Variants in ZNF678 observed in about 807,000 individuals in gnomAD.
The protein encoded by ZNF678 is hypothetical protein MGC42493.
A neutral mutation model predicts 3.0 loss-of-function variants in ZNF678; 5 were observed. The ratio of observed to expected loss-of-function variants is 1.69; its 90% CI spans 0.88 to 3.56. The LOEUF (loss-of-function observed/expected upper bound fraction) is 3.56. Among genes scored for constraint, ZNF678 ranks in the 30% most tolerant of loss-of-function variants. ZNF678 has a pLI of 0.00. For missense variants in ZNF678, 593 were observed against 605.0 expected (o/e 0.98, Z 0.21); for synonymous variants, 218 against 199.6 (o/e 1.09, Z -0.78).
intron 1 of ZNF678, among the ~76,000 whole-genome samples, chr1:227,617,082 T>C (rs1658160832): frequency 6.6e-6 from 1 of 152,294 alleles, no homozygotes; most frequent in East Asian, 1.9e-4. Flanking sequence ...ACCTTTAGGA[T>C]TGTGAAGCTA....
rs537759058 is a variant in ZNF678, at chr1:227,587,077, G to A, written c.-164+23353G>A. 1.2e-4 allele frequency among the ~76,000 whole-genome samples: 18 copies of A among 152,316 alleles called. No homozygotes were observed. In the South Asian group the frequency reaches 3.7e-3, roughly 32 times the overall value. On this transcript the variant is annotated intron_variant, in intron 1 of 3. Transcript: ENST00000343776. Reference sequence around the variant, plus strand: ...AAGCTAGGCCTCAATATTGCAGGGTGAGGATGAAAGAGTTCTGCTCCTAGT... The same window carrying A: ...AAGCTAGGCCTCAATATTGCAGGGTAAGGATGAAAGAGTTCTGCTCCTAGT...
chr1:227,666,551 G>T (rs1277845401), downstream of ZNF678, among the ~76,000 whole-genome samples: 1 of 152,094 alleles, frequency 6.6e-6, no homozygotes, highest in Non-Finnish European at 1.5e-5. Context: ...TTGACTTGTG[G>T]CTTAGGGGAA....
At chr1:227,651,194 T>C in intron 3 of ZNF678, 118 bp downstream of exon 3, 1 of 1,134,370 alleles carries the variant, frequency 8.8e-7, no homozygotes, top group Admixed American at 2.4e-5. Flanking sequence ...GGGTCTGTCT[T>C]TGGTGGGCTT....
At chr1:227,625,985 G>A (rs1414954824) in intron 1 of ZNF678, among the ~76,000 whole-genome samples, 1 of 152,054 alleles carries the variant, frequency 6.6e-6, no homozygotes, top group African/African-American at 2.4e-5. Context: ...GTGAAAGTGG[G>A]GTTTCCTTTA....
At chr1:227,564,295 T>C (rs1214416691) in intron 1 of ZNF678, among the ~76,000 whole-genome samples, 2 of 152,254 alleles carry the variant, frequency 1.3e-5, no homozygotes, top group African/African-American at 4.8e-5. Flanking sequence ...ATTTAATTAC[T>C]GATTAATTGG....
intron 1 of ZNF678, among the ~76,000 whole-genome samples, chr1:227,624,493 A>G (rs1359086725): frequency 6.6e-6 from 1 of 152,204 alleles, no homozygotes; most frequent in African/African-American, 2.4e-5. Context: ...CATGGCAGAG[A>G]GCATTTTTGT....
intron 1 of ZNF678, among the ~76,000 whole-genome samples, chr1:227,602,913 T>G (rs1278440432): frequency 6.6e-6 from 1 of 152,240 alleles, no homozygotes; most frequent in Non-Finnish European, 1.5e-5. Context: ...TGAGAATTGC[T>G]TGAGCTCAGG....
At chr1:227,580,816 G>C (rs1657111073) in intron 1 of ZNF678, among the ~76,000 whole-genome samples, 1 of 151,940 alleles carries the variant, frequency 6.6e-6, no homozygotes, top group African/African-American at 2.4e-5. Flanking sequence ...TGTAATCCCA[G>C]CTACTTGGGA....
chr1:227,641,902 T>C (rs547918058), intron 1 of ZNF678, among the ~76,000 whole-genome samples: 87 of 152,358 alleles, frequency 5.7e-4, no homozygotes, highest in African/African-American at 2.0e-3. Flanking sequence ...GAGTAGGCGT[T>C]AAGACTCTCA....
chr1:227,646,945 CT>C (rs1262504235), intron 2 of ZNF678, among the ~76,000 whole-genome samples: 1 of 152,190 alleles, frequency 6.6e-6, no homozygotes, highest in Non-Finnish European at 1.5e-5. Flanking sequence ...ACCTCAAAAT[CT>C]AATTACAGTA....
chr1:227,662,961 T>C (rs1448648480), downstream of ZNF678, among the ~76,000 whole-genome samples: 1 of 152,206 alleles, frequency 6.6e-6, no homozygotes, highest in African/African-American at 2.4e-5. Flanking sequence ...GGAATATATT[T>C]GGACATATGA....
At chr1:227,674,604 T>TTTC (rs1264754082) in intron 5 of ZNF678, among the ~76,000 whole-genome samples, 2 of 151,240 alleles carry the variant, frequency 1.3e-5, no homozygotes, top group African/African-American at 4.8e-5. Context: ...CTTTTTTTTT[T>TTTC]TTTCTTTTTT....
At chr1:227,589,724 TC>T (rs747407445) in intron 1 of ZNF678, among the ~76,000 whole-genome samples, 2 of 151,780 alleles carry the variant, frequency 1.3e-5, no homozygotes, top group African/African-American at 2.4e-5. Flanking sequence ...ACAATGCTCT[TC>T]CATACAATGT....
intron 1 of ZNF678, chr1:227,598,438 G>A: frequency 6.8e-7 from 1 of 1,476,716 alleles, no homozygotes; most frequent in South Asian, 1.3e-5. Context: ...GGTGAGTCAG[G>A]ACTTGAACTA....
Position 227,655,892 on chromosome 1 carries a change from G to A in ZNF678, c.*64G>A, listed in dbSNP as rs1487838280. The A allele has an allele frequency of 7.0e-6, 10 of 1,430,684 alleles. No individual in the cohort carries two copies. The highest frequency in any genetic ancestry group is 1.4e-5 in the South Asian group (1 of 70,248). The allele number at this position is 1,430,684 out of a possible 1,614,324, so 88.6% of individuals were successfully genotyped here. A position where few individuals can be genotyped will look rare whatever the true frequency, so the allele number is the denominator to read the frequency against. The stretch of plus-strand genomic sequence containing the variant: ...TGAATAAAAGTGGTATGAGCATAAT[G>A]ACTGTTTAAGGATGTTTCACAAAAT... On this transcript the variant is annotated 3_prime_UTR_variant, in exon 4 of 4. Coordinates refer to ENST00000343776, the MANE Select transcript of ZNF678 (RefSeq NM_001367909.1).
In ZNF678 at chr1:227,642,435, A is replaced by C. The variant is rs144610380; in HGVS notation, c.-163-4109A>C. Among the ~76,000 whole-genome samples, 96 of 152,310 alleles carry C rather than the reference A, an allele frequency of 6.3e-4. 2 individuals carry two copies. Among genetic ancestry groups the C allele is most frequent in the African/African-American group, 2.0e-3 (83 of 41,568 alleles). The stretch of plus-strand genomic sequence containing the variant: ...AGTACCTTAGCAATGAGAGGTCAGC[A>C]CCACAAAAATGCCCAGAGTCATGAC... On this transcript the variant is annotated intron_variant, in intron 1 of 3. Coordinates refer to ENST00000343776, the MANE Select transcript of ZNF678 (RefSeq NM_001367909.1).
At position 227,650,392 on chromosome 1, in the gene ZNF678, T is replaced by C. The variant is rs185774554; in HGVS notation, c.-36-564T>C. 7.3e-4 allele frequency among the ~76,000 whole-genome samples: 111 copies of C among 152,332 alleles called. 1 individual carries two copies. Among genetic ancestry groups the C allele is most frequent in the African/African-American group, 2.5e-3 (105 of 41,584 alleles). ...TCTATTTTGTTCCATCCTACTCTTATTACCATAGTTTTCAAATAGAGCTTT... is the reference window on the plus strand; with the variant it reads ...TCTATTTTGTTCCATCCTACTCTTACTACCATAGTTTTCAAATAGAGCTTT... On this transcript the variant is annotated intron_variant, in intron 2 of 3. Coordinates refer to ENST00000343776, the MANE Select transcript of ZNF678 (RefSeq NM_001367909.1).
chr1:227,623,005 T>G (rs1205893552), intron 1 of ZNF678, among the ~76,000 whole-genome samples: 1 of 152,226 alleles, frequency 6.6e-6, no homozygotes, highest in Non-Finnish European at 1.5e-5. Flanking sequence ...CTATGGAGCT[T>G]TACTACACCT....
chr1:227,639,799 G>A (rs763669045), intron 1 of ZNF678, among the ~76,000 whole-genome samples: 9 of 152,134 alleles, frequency 5.9e-5, no homozygotes, highest in Non-Finnish European at 8.8e-5. Flanking sequence ...ATACAGTCCC[G>A]GTCTTCTGGG....
Sources: allele counts gnomAD v4.1 joint callset (sites outside exome capture counted in the v4.1 genomes callset), GRCh38; gene constraint gnomAD v4.1.1; transcripts MANE v1.5; gene names NCBI Gene and HGNC (gene_info 2026-07-23, HGNC 2026-07-21).